The following EEF2K variants were observed in gnomAD, a reference collection of about 807,000 sequenced individuals.
EEF2K encodes the protein alternative protein EEF2K.
Under a neutral mutation model 93.8 loss-of-function variants are expected in EEF2K, and 70 were observed. The observed-to-expected ratio is 0.75, with a 90% CI of 0.62 to 0.91. The LOEUF (loss-of-function observed/expected upper bound fraction) is 0.91. Among genes scored for constraint, EEF2K ranks in the 40% least tolerant of loss-of-function variants. The probability of loss-of-function intolerance (pLI) is 0.00; values close to 1 mark genes in which losing one functional copy is unlikely to be tolerated. For synonymous variants in EEF2K, 376 were observed against 380.8 expected (o/e 0.99, Z 0.15); for missense variants, 935 against 972.9 (o/e 0.96, Z 0.52).
intron 16 of EEF2K, among the ~76,000 whole-genome samples, chr16:22,277,214 G>A (rs1235279594): frequency 6.6e-6 from 1 of 152,148 alleles, no homozygotes; most frequent in Non-Finnish European, 1.5e-5. Flanking sequence ...ATAGCTCACT[G>A]TAGTCTCAAC....
intron 16 of EEF2K, among the ~76,000 whole-genome samples, chr16:22,278,849 GT>G (rs1473255793): frequency 1.3e-5 from 2 of 152,194 alleles, no homozygotes; most frequent in African/African-American, 4.8e-5. Flanking sequence ...ATGGGCTGCA[GT>G]AGGAGGAGTT....
intron 1 of EEF2K, among the ~76,000 whole-genome samples, chr16:22,207,717 AG>A (rs758193737): frequency 2.0e-5 from 3 of 152,090 alleles, no homozygotes; most frequent in Non-Finnish European, 2.9e-5. Context: ...GAGGAAACCG[AG>A]GGTCAGAGTG....
At chr16:22,235,990 A>G (rs1235230057) in intron 2 of EEF2K, among the ~76,000 whole-genome samples, 1 of 151,752 alleles carries the variant, frequency 6.6e-6, no homozygotes, top group Admixed American at 6.6e-5. Flanking sequence ...TTTTGTAGAA[A>G]TGGGGTCTTG....
intron 1 of EEF2K, among the ~76,000 whole-genome samples, chr16:22,211,857 C>T (rs2046917473): frequency 6.6e-6 from 1 of 152,096 alleles, no homozygotes; most frequent in South Asian, 2.1e-4. Flanking sequence ...TGCACTTGTG[C>T]ATTTATGGTG....
chr16:22,277,745 G>T (rs1158887616), intron 16 of EEF2K, among the ~76,000 whole-genome samples: 1 of 152,214 alleles, frequency 6.6e-6, no homozygotes, highest in East Asian at 1.9e-4. Context: ...GGGATGATGA[G>T]TGTCTTAGCC....
intron 15 of EEF2K, among the ~76,000 whole-genome samples, chr16:22,270,238 C>A (rs1416515679): frequency 6.6e-6 from 1 of 152,008 alleles, no homozygotes; most frequent in African/African-American, 2.4e-5. Flanking sequence ...CCTGCCTTGG[C>A]TCCCCGAGTA....
rs996152528 is a variant in EEF2K at position 22,212,879 on chromosome 16, C to T, written c.-77+6200C>T. Among the ~76,000 whole-genome samples, 9 of 151,932 alleles carry T rather than the reference C, an allele frequency of 5.9e-5. No individual in the cohort carries two copies. The South Asian group carries it at 1.2e-3, about 21-fold the overall frequency. ...GTCCCAGCTACTCAGGAGGCTGAGG[C>T]GGGAGGATCCCTTAAGCCCAGGAGT... On this transcript the variant is annotated intron_variant, in intron 1 of 17. Transcript: ENST00000263026.
At chr16:22,253,139 C>T (rs2047367200) in intron 6 of EEF2K, among the ~76,000 whole-genome samples, 1 of 152,184 alleles carries the variant, frequency 6.6e-6, no homozygotes, top group Admixed American at 6.5e-5. Context: ...TTTCAACCCC[C>T]TGCTAGGTTG....
Position 22,262,997 on chromosome 16 carries a change from G to A in EEF2K, c.1300-113G>A, listed in dbSNP as rs2047480366. 15 of 917,160 alleles carry A rather than the reference G, an allele frequency of 1.6e-5. No homozygotes were observed. In the South Asian group the frequency reaches 2.2e-4, roughly 13 times the overall value. The allele number at this position is 917,160 out of a possible 1,614,324, so 56.8% of individuals were successfully genotyped here. A position where few individuals can be genotyped will look rare whatever the true frequency, so the allele number is the denominator to read the frequency against. On this transcript the variant is annotated intron_variant, in intron 11 of 17. Coordinates refer to ENST00000263026, the MANE Select transcript of EEF2K (RefSeq NM_013302.5). ...CGGCAAGGGACAGCAGGAGCAGGGT[G>A]TTAGGTAATGGGACAGAGGGGAGAA... is the stretch of plus-strand genomic sequence containing the variant.
intron 3 of EEF2K, among the ~76,000 whole-genome samples, chr16:22,245,866 C>T (rs1353020366): frequency 6.6e-6 from 1 of 152,178 alleles, no homozygotes; most frequent in African/African-American, 2.4e-5. Flanking sequence ...TTTCTCCCCA[C>T]CCACAAGCAA....
At position 22,223,887 on chromosome 16, in the gene EEF2K, T is replaced by C. The variant is rs565096513; in HGVS notation, c.-76-1767T>C. Among the ~76,000 whole-genome samples, 5 of 152,270 alleles carry C rather than the reference T, an allele frequency of 3.3e-5. No homozygotes were observed. The South Asian group carries it at 6.2e-4, about 19-fold the overall frequency. On this transcript the variant is annotated intron_variant, in intron 1 of 17. Transcript: ENST00000263026. ...CATTTGGGGTTGTTGGGTTTTGTTT[T>C]GTTGCTGTTACTGATTGTGCTACAG...
intron 2 of EEF2K, among the ~76,000 whole-genome samples, chr16:22,231,998 CAAAAAAAAAA>C (rs35198909): frequency 1.5e-5 from 1 of 65,988 alleles, no homozygotes; most frequent in Admixed American, 2.0e-4. Flanking sequence ...CTTAAACAAA[CAAAAAAAAAA>C]AAAAAAAAAA....
chr16:22,263,261 C>T, intron 12 of EEF2K, 74 bp downstream of exon 12: 1 of 1,403,146 alleles, frequency 7.1e-7, no homozygotes, highest in Non-Finnish European at 9.7e-7. Context: ...GAAAACTCCC[C>T]TTCCTGGAGG....
Position 22,284,208 on chromosome 16 carries a change from A to G in EEF2K, c.*212A>G. 1 of 533,232 alleles carries G rather than the reference A, an allele frequency of 1.9e-6. No individual in the cohort carries two copies. Among genetic ancestry groups the G allele is most frequent in the Non-Finnish European group, 3.4e-6 (1 of 297,510 alleles). 33.0% of individuals were successfully genotyped at this position (533,232 alleles called of 1,614,324 possible). A position where few individuals can be genotyped will look rare whatever the true frequency, so the allele number is the denominator to read the frequency against. ...CTCTATAGCTGTCTCTTAGGGCAGT[A>G]TTTTGGGGAAGTGGGGCTTGAAGAA... On this transcript the variant is annotated 3_prime_UTR_variant, in exon 18 of 18. Transcript: ENST00000263026.
chr16:22,264,431 G>A (rs11860656), intron 12 of EEF2K, among the ~76,000 whole-genome samples: 24,739 of 151,840 alleles, frequency 0.16, 3,121 homozygotes, highest in African/African-American at 0.35. Flanking sequence ...TGATCACACT[G>A]CTGCACTCCA....
chr16:22,282,284 G>A (rs1402662090), intron 17 of EEF2K, among the ~76,000 whole-genome samples: 5 of 152,210 alleles, frequency 3.3e-5, no homozygotes, highest in Admixed American at 6.5e-5. Flanking sequence ...TTTCTGGCTT[G>A]TAGAAAACAG....
intron 1 of EEF2K, among the ~76,000 whole-genome samples, chr16:22,214,148 G>A (rs540809923): frequency 6.6e-6 from 1 of 152,270 alleles, no homozygotes; most frequent in South Asian, 2.1e-4. Flanking sequence ...TGAGAGTCAA[G>A]TCTATCCCAG....
rs752527207 is a variant in EEF2K, at chr16:22,284,021, C to T, written c.*25C>T. 7.1e-6 allele frequency: 11 copies of T among 1,543,660 alleles called. No homozygotes were observed. Among genetic ancestry groups the T allele is most frequent in the Non-Finnish European group, 9.7e-6 (11 of 1,137,908 alleles). On this transcript the variant is annotated 3_prime_UTR_variant, in exon 18 of 18. Transcript: ENST00000263026. ...ACCAGGAAAATCACTGCCGGCTAGTCCCAAGCAAACGGGCTAGGAGGAAAG... is the reference window on the plus strand; with the variant it reads ...ACCAGGAAAATCACTGCCGGCTAGTTCCAAGCAAACGGGCTAGGAGGAAAG...
rs529060079 is a variant in EEF2K, at chr16:22,258,661, G to A, written c.1197G>A (p.Ser399=). ...ACTCTCTCCCTTCTTCCCCATCTTCGGCCACACCACACAGCCAGAAGCTAG... is the reference window on the plus strand; with the variant it reads ...ACTCTCTCCCTTCTTCCCCATCTTCAGCCACACCACACAGCCAGAAGCTAG... ...TFDSLPSSPS[S]ATPHSQKLDH... Residue 399 remains serine, a synonymous_variant, in exon 10 of 18, where the codon TCG becomes TCA. Transcript: ENST00000263026. The A allele has an allele frequency of 3.5e-5, 57 of 1,614,122 alleles. No homozygotes were observed. The highest frequency in any genetic ancestry group is 1.4e-4 in the South Asian group (13 of 91,078).
Sources: allele counts gnomAD v4.1 joint callset (sites outside exome capture counted in the v4.1 genomes callset), GRCh38; gene constraint gnomAD v4.1.1; transcripts MANE v1.5; gene names NCBI Gene and HGNC (gene_info 2026-07-23, HGNC 2026-07-21).